N4BP2: variants seen among roughly 807,000 people sequenced by gnomAD.
N4BP2 encodes NEDD4 binding protein 2.
N4BP2 carries 91 observed loss-of-function variants against 152.8 expected under a neutral mutation model. The ratio of observed to expected loss-of-function variants is 0.60; its 90% CI spans 0.50 to 0.71. N4BP2 has a LOEUF of 0.71. N4BP2 is among the 30% of genes least tolerant of loss of function. The pLI is 0.00. For missense variants in N4BP2, 1,923 were observed against 2,059.1 expected (o/e 0.93, Z 1.28); for synonymous variants, 646 against 705.3 (o/e 0.92, Z 1.33).
intron 7 of N4BP2, among the ~76,000 whole-genome samples, chr4:40,116,797 G>T (rs947928083): frequency 2.6e-5 from 4 of 151,942 alleles, no homozygotes; most frequent in Non-Finnish European, 5.9e-5. Context: ...AAAATCTGCA[G>T]ATCTTTTTAT....
chr4:40,080,651 C>T (rs989288677), intron 2 of N4BP2, among the ~76,000 whole-genome samples: 1 of 149,302 alleles, frequency 6.7e-6, no homozygotes, highest in Non-Finnish European at 1.5e-5. Context: ...TGTTTTTATA[C>T]ATCAGAATTT....
At chr4:40,105,654 A>G (rs1716199160) in intron 4 of N4BP2, among the ~76,000 whole-genome samples, 2 of 151,500 alleles carry the variant, frequency 1.3e-5, no homozygotes, top group Non-Finnish European at 2.9e-5. Context: ...GGTTCAAGCA[A>G]TCCTCCTGCC....
At position 40,121,730 on chromosome 4, in the gene N4BP2, A is replaced by T; in HGVS notation, c.3619A>T (p.Arg1207Ter). The change falls in exon 9 of 18, where the codon AGA (arginine) becomes TGA (stop). Residue 1207 changes from arginine (R) to a stop codon, truncating the protein, a stop_gained. Transcript: ENST00000261435. LOFTEE classifies it high-confidence loss of function. ...ERGNSEQAEM[R>*]AVTPENHESM... The stretch of plus-strand genomic sequence containing the variant: ...AGGAAACTCAGAGCAGGCGGAAATG[A>T]GAGCTGTCACTCCTGAAAACCATGA... 2 of 1,614,094 alleles carry T rather than the reference A, an allele frequency of 1.2e-6. No homozygotes were observed. Among genetic ancestry groups the T allele is most frequent in the Non-Finnish European group, 1.7e-6 (2 of 1,179,996 alleles).
At chr4:40,144,526 A>T in intron 15 of N4BP2, 106 bp from the exon 16 acceptor site, 1 of 882,034 alleles carries the variant, frequency 1.1e-6, no homozygotes, top group Non-Finnish European at 1.7e-6. Context: ...TTTTAGGTTT[A>T]TTATTCCCTT....
intron 1 of N4BP2, among the ~76,000 whole-genome samples, chr4:40,064,019 A>C (rs899146595): frequency 4.0e-5 from 6 of 151,882 alleles, no homozygotes; most frequent in Non-Finnish European, 8.8e-5. Flanking sequence ...GCTGGTCTCG[A>C]ACTCCTGAGC....
At chr4:40,063,112 T>A (rs922101919) in intron 1 of N4BP2, among the ~76,000 whole-genome samples, 1 of 152,236 alleles carries the variant, frequency 6.6e-6, no homozygotes, top group Non-Finnish European at 1.5e-5. Context: ...GGCCCTTTTA[T>A]AGCCTGAATG....
At chr4:40,114,610 A>G (rs1477658824) in intron 7 of N4BP2, among the ~76,000 whole-genome samples, 1 of 152,084 alleles carries the variant, frequency 6.6e-6, no homozygotes, top group Admixed American at 6.6e-5. Flanking sequence ...CTGATATTTC[A>G]TTTAGGATTT....
At chr4:40,145,467 A>C (rs974190626) in intron 16 of N4BP2, among the ~76,000 whole-genome samples, 3 of 152,044 alleles carry the variant, frequency 2.0e-5, no homozygotes, top group Non-Finnish European at 2.9e-5. Flanking sequence ...CAAGCAATCC[A>C]CCTGCCTTGG....
chr4:40,173,039 C>T, the N4BP2 span, among the ~76,000 whole-genome samples: 4 of 152,066 alleles, frequency 2.6e-5, no homozygotes, highest in Non-Finnish European at 5.9e-5. Context: ...CCTAACTTCC[C>T]CTGCCATTGT....
chr4:40,075,694 C>A (rs1473738774), intron 2 of N4BP2, among the ~76,000 whole-genome samples: 3 of 152,102 alleles, frequency 2.0e-5, no homozygotes, highest in Non-Finnish European at 4.4e-5. Context: ...CTGTGCCAGG[C>A]CTACACATCT....
Position 40,102,692 on chromosome 4 carries a change from C to T in N4BP2, c.847C>T (p.Pro283Ser), listed in dbSNP as rs766583022. ...ECVEAQFSEA[P>S]VDLDASEPQA... ...CGTTGAGGCTCAATTCTCTGAAGCT[C>T]CTGTAGATTTGGATGCCAGTGAACC... is the stretch of plus-strand genomic sequence containing the variant. The change falls in exon 4 of 18, where the codon CCT becomes TCT. Residue 283 changes from proline (P) to serine (S), a missense_variant. Coordinates refer to ENST00000261435, the MANE Select transcript of N4BP2 (RefSeq NM_018177.6). The T allele has an allele frequency of 2.5e-6, 4 of 1,614,134 alleles. No homozygotes were observed. In the East Asian group the frequency reaches 6.7e-5, roughly 27 times the overall value.
At chr4:40,148,438 G>A (rs991833222) in intron 16 of N4BP2, among the ~76,000 whole-genome samples, 83 of 150,978 alleles carry the variant, frequency 5.5e-4, no homozygotes, top group African/African-American at 1.7e-3. Context: ...GAGGGAGACC[G>A]TGGAAAGAGA....
intron 2 of N4BP2, among the ~76,000 whole-genome samples, chr4:40,087,790 T>C (rs1293102000): frequency 6.6e-6 from 1 of 152,092 alleles, no homozygotes; most frequent in African/African-American, 2.4e-5. Context: ...TGTCTCTCTG[T>C]TGCCCAGGCT....
At chr4:40,179,914 G>A in the N4BP2 span, among the ~76,000 whole-genome samples, 4 of 151,776 alleles carry the variant, frequency 2.6e-5, no homozygotes, top group Non-Finnish European at 5.9e-5. Flanking sequence ...ACAGGCATGC[G>A]CCACCACGCC....
At chr4:40,153,848 A>T (rs907702855) in intron 17 of N4BP2, among the ~76,000 whole-genome samples, 1 of 152,182 alleles carries the variant, frequency 6.6e-6, no homozygotes, top group Non-Finnish European at 1.5e-5. Flanking sequence ...CTTACCTGAT[A>T]TATCAGAGAT....
chr4:40,148,505 C>T (rs780606080), intron 16 of N4BP2, among the ~76,000 whole-genome samples: 9 of 151,642 alleles, frequency 5.9e-5, no homozygotes, highest in African/African-American at 9.7e-5. Flanking sequence ...AGAGGGAGTT[C>T]GGCTTTTTTA....
the N4BP2 span, among the ~76,000 whole-genome samples, chr4:40,185,088 A>AT: frequency 3.9e-5 from 6 of 151,998 alleles, no homozygotes; most frequent in African/African-American, 1.4e-4. Flanking sequence ...GTTTTTCTCT[A>AT]TTTTTTTCAG....
At chr4:40,150,357 A>G (rs994887913) in intron 16 of N4BP2, among the ~76,000 whole-genome samples, 1 of 152,176 alleles carries the variant, frequency 6.6e-6, no homozygotes, top group African/African-American at 2.4e-5. Flanking sequence ...TACAGTCAGC[A>G]AAATTCAGAT....
intron 2 of N4BP2, chr4:40,083,067 C>CCA (rs1272229663): frequency 1.3e-5 from 3 of 235,130 alleles, no homozygotes; most frequent in African/African-American, 6.9e-5. Context: ...ATACTTCAGC[C>CCA]CACGCCCTGT....
Sources: allele counts gnomAD v4.1 joint callset (sites outside exome capture counted in the v4.1 genomes callset), GRCh38; gene constraint gnomAD v4.1.1; transcripts MANE v1.5; gene names NCBI Gene and HGNC (gene_info 2026-07-23, HGNC 2026-07-21).